PCDHA3: variants seen among roughly 807,000 people sequenced by gnomAD.
PCDHA3 encodes the protein protocadherin alpha 3, also known as protocadherin alpha-3.
In PCDHA3, 41 loss-of-function variants were observed where a neutral mutation model predicts 62.2. That is an observed-to-expected ratio of 0.66 (90% CI 0.51 to 0.86). The LOEUF is 0.86. Among genes scored for constraint, PCDHA3 ranks in the 40% least tolerant of loss-of-function variants. The pLI is 0.00. For synonymous variants in PCDHA3, 640 were observed against 555.4 expected (o/e 1.15, Z -2.14); for missense variants, 1,304 against 1,241.2 (o/e 1.05, Z -0.76).
At chr5:140,942,545 G>C (rs981508818) in intron 1 of PCDHA3, among the ~76,000 whole-genome samples, 4 of 151,970 alleles carry the variant, frequency 2.6e-5, no homozygotes, top group African/African-American at 9.7e-5. Context: ...ATGGTGGGGG[G>C]TAGGGGGTTG....
intron 3 of PCDHA3, among the ~76,000 whole-genome samples, chr5:140,993,020 C>G (rs2097537480): frequency 6.6e-6 from 1 of 152,192 alleles, no homozygotes; most frequent in African/African-American, 2.4e-5. Flanking sequence ...TCCAGCATCC[C>G]CTGTGGGCTC....
At chr5:140,928,304 AC>A (rs782506310) in intron 1 of PCDHA3, 98 of 1,613,908 alleles carry the variant, frequency 6.1e-5, no homozygotes, top group Non-Finnish European at 7.9e-5. Flanking sequence ...TTTGCCCAGG[AC>A]CCCGACCTGG....
chr5:140,863,228 C>A, intron 1 of PCDHA3: 1 of 1,183,022 alleles, frequency 8.5e-7, no homozygotes, highest in Non-Finnish European at 1.2e-6. Flanking sequence ...AGGAAGGTCC[C>A]ATCGCGGGCT....
chr5:140,834,757 A>G (rs2150225607), intron 1 of PCDHA3: 7 of 1,614,134 alleles, frequency 4.3e-6, no homozygotes, highest in Non-Finnish European at 5.9e-6. Context: ...GAGGTGAAGG[A>G]CATTAACGAC....
intron 1 of PCDHA3, chr5:140,966,981 TG>T (rs2096079365): frequency 1.2e-6 from 2 of 1,603,254 alleles, no homozygotes; most frequent in African/African-American, 2.7e-5. Flanking sequence ...CTGCGGCGCT[TG>T]GGGCCGGGTT....
At chr5:140,886,746 A>C (rs2061113111) in intron 1 of PCDHA3, among the ~76,000 whole-genome samples, 1 of 151,722 alleles carries the variant, frequency 6.6e-6, no homozygotes. Context: ...GAATTGCTTG[A>C]ACCCGGGAGG....
In PCDHA3 at chr5:140,928,350, T is replaced by C. The variant is rs144619371; in HGVS notation, c.2395-50599T>C. The C allele has an allele frequency of 1.3e-5, 21 of 1,614,098 alleles. No homozygotes were observed. The African/African-American group carries it at 2.1e-4, about 16-fold the overall frequency. On this transcript the variant is annotated intron_variant, in intron 1 of 3. Coordinates refer to ENST00000522353, the MANE Select transcript of PCDHA3 (RefSeq NM_018906.3). ...GCCTTGTCTCTTATGAGCTGTTGGA[T>C]GTTATCTCTGAAGGGCCATCAGCCT...
intron 1 of PCDHA3, chr5:140,861,475 G>C: frequency 4.1e-6 from 2 of 492,480 alleles, no homozygotes; most frequent in South Asian, 1.6e-5. Flanking sequence ...CTGCAGAATG[G>C]CATTTTTGTG....
At chr5:140,824,195 C>G (rs1768043516) in intron 1 of PCDHA3, 1 of 1,600,220 alleles carries the variant, frequency 6.2e-7, no homozygotes, top group Non-Finnish European at 8.6e-7. Flanking sequence ...CACATTCACC[C>G]ACTTTTTTTG....
chr5:140,928,286 G>A (rs140714840), intron 1 of PCDHA3: 12 of 1,614,014 alleles, frequency 7.4e-6, no homozygotes, highest in Non-Finnish European at 9.3e-6. Flanking sequence ...GCCTCTCTAG[G>A]CCGAGTGTTT....
chr5:140,923,139 A>G (rs1213586565), intron 1 of PCDHA3, among the ~76,000 whole-genome samples: 3 of 152,188 alleles, frequency 2.0e-5, no homozygotes, highest in Non-Finnish European at 2.9e-5. Context: ...TGAAGGTGGA[A>G]TATAAAAAAA....
intron 1 of PCDHA3, chr5:140,869,245 A>G: frequency 1.2e-6 from 2 of 1,613,628 alleles, no homozygotes; most frequent in Non-Finnish European, 1.7e-6. Context: ...CGTGGGCCGC[A>G]TCGCGCAGGA....
chr5:140,864,502 C>A (rs989482807), intron 1 of PCDHA3: 2 of 152,088 alleles, frequency 1.3e-5, no homozygotes, highest in African/African-American at 4.8e-5. Context: ...TTTAGCCTTG[C>A]CTTTAAAGGT....
Position 140,842,897 on chromosome 5 carries a change from G to A in PCDHA3, c.2394+39306G>A. On this transcript the variant is annotated intron_variant, in intron 1 of 3. Transcript: ENST00000522353. ...GTACGCGCTGCAGCCGCTGGACCAC[G>A]AGGAGCTAGAGCTGCTGCAGTTCCA... The A allele has an allele frequency of 1.3e-6, 2 of 1,594,388 alleles. No homozygotes were observed. Among genetic ancestry groups the A allele is most frequent in the Non-Finnish European group, 1.7e-6 (2 of 1,165,484 alleles).
chr5:140,808,989 C>A (rs1554124940), intron 1 of PCDHA3: 4 of 1,613,702 alleles, frequency 2.5e-6, no homozygotes, highest in Non-Finnish European at 1.7e-6. Flanking sequence ...GATGCTGACT[C>A]GGGCTACAAC....
intron 1 of PCDHA3, among the ~76,000 whole-genome samples, chr5:140,948,814 A>G (rs1284322137): frequency 1.3e-5 from 2 of 151,134 alleles, no homozygotes; most frequent in African/African-American, 4.8e-5. Context: ...TTTGGTTTCT[A>G]TTTCATTAAT....
At chr5:140,984,704 G>A (rs2097116148) in intron 3 of PCDHA3, among the ~76,000 whole-genome samples, 1 of 152,032 alleles carries the variant, frequency 6.6e-6, no homozygotes, top group Non-Finnish European at 1.5e-5. Flanking sequence ...CTGCTTGGAG[G>A]GAATATGGCA....
intron 1 of PCDHA3, chr5:140,967,103 C>T: frequency 6.2e-7 from 1 of 1,613,024 alleles, no homozygotes; most frequent in Non-Finnish European, 8.5e-7. Context: ...GCTGTGTGAG[C>T]AGCGGCCTCG....
Position 141,010,533 on chromosome 5 carries a change from C to T in PCDHA3, c.*596C>T, listed in dbSNP as rs1466502614. 4 of 390,018 alleles carry T rather than the reference C, an allele frequency of 1.0e-5. No homozygotes were observed. Among genetic ancestry groups the T allele is most frequent in the African/African-American group, 8.2e-5 (4 of 49,000 alleles). 24.2% of individuals were successfully genotyped at this position (390,018 alleles called of 1,614,324 possible). ...TACAACTCAAGAGGTGGCAGCCACCCTCTAGGAGACAAAACTACCCCCACT... is the reference window on the plus strand; with the variant it reads ...TACAACTCAAGAGGTGGCAGCCACCTTCTAGGAGACAAAACTACCCCCACT... On this transcript the variant is annotated 3_prime_UTR_variant, in exon 4 of 4. Transcript: ENST00000522353.
Sources: allele counts gnomAD v4.1 joint callset (sites outside exome capture counted in the v4.1 genomes callset), GRCh38; gene constraint gnomAD v4.1.1; transcripts MANE v1.5; gene names NCBI Gene and HGNC (gene_info 2026-07-23, HGNC 2026-07-21).